The following NAALAD2 variants were observed in gnomAD, a reference collection of about 807,000 sequenced individuals.
NAALAD2 encodes the protein N-acetylated-alpha-linked acidic dipeptidase 2.
A neutral mutation model predicts 95.6 loss-of-function variants in NAALAD2; 89 were observed. The observed-to-expected ratio is 0.93, with a 90% CI of 0.78 to 1.11. The LOEUF (loss-of-function observed/expected upper bound fraction) is 1.11, where lower values mean the gene tolerates loss of function less well. Ranked by LOEUF, NAALAD2 falls within the 50% of genes least tolerant of loss-of-function variation. NAALAD2 has a pLI of 0.00. For missense variants in NAALAD2, 894 were observed against 872.4 expected (o/e 1.02, Z -0.31); for synonymous variants, 264 against 294.4 (o/e 0.90, Z 1.06).
chr11:90,170,303 C>G lies in NAALAD2; in HGVS notation c.1410+167C>G, dbSNP rs552027870. Among the ~76,000 whole-genome samples the G allele has an allele frequency of 5.9e-5, 9 of 152,230 alleles. No homozygotes were observed. The South Asian group carries it at 1.5e-3, about 25-fold the overall frequency. On this transcript the variant is annotated intron_variant, in intron 13 of 18. Transcript: ENST00000534061. Reference sequence around the variant, plus strand: ...TATGCCATTTACCTATATGACATAACTAAGAAGATATTATCACCAGCTTCT... The same window carrying G: ...TATGCCATTTACCTATATGACATAAGTAAGAAGATATTATCACCAGCTTCT...
At chr11:90,166,840 AAAAAAAAAAAAAG>A (rs1181600266) in intron 11 of NAALAD2, among the ~76,000 whole-genome samples, 5 of 124,782 alleles carry the variant, frequency 4.0e-5, no homozygotes, top group Non-Finnish European at 6.7e-5. Context: ...GTCTCCAAAA[AAAAAAAAAAAAAG>A]AAAATGCAGA....
intron 4 of NAALAD2, among the ~76,000 whole-genome samples, chr11:90,149,378 G>A (rs1445246112): frequency 6.6e-6 from 1 of 152,128 alleles, no homozygotes; most frequent in Admixed American, 6.6e-5. Context: ...ACAAACTGCT[G>A]AACATGCCTT....
intron 13 of NAALAD2, among the ~76,000 whole-genome samples, chr11:90,172,043 G>A (rs7105469): frequency 0.22 from 33,417 of 152,086 alleles, 4,483 homozygotes; most frequent in African/African-American, 0.37. Context: ...CTAGGCCAAC[G>A]GGACGTGATT....
At chr11:90,155,690 T>A (rs1347406135) in intron 6 of NAALAD2, among the ~76,000 whole-genome samples, 1 of 85,432 alleles carries the variant, frequency 1.2e-5, no homozygotes, top group Non-Finnish European at 1.9e-5. Context: ...AATACATACA[T>A]ACATATGTAT....
intron 4 of NAALAD2, among the ~76,000 whole-genome samples, chr11:90,149,851 G>C (rs780149510): frequency 6.6e-6 from 1 of 152,162 alleles, no homozygotes; most frequent in African/African-American, 2.4e-5. Context: ...TAATGCAATG[G>C]TTGGAAATTA....
At chr11:90,170,459 T>C (rs900120003) in intron 13 of NAALAD2, among the ~76,000 whole-genome samples, 1 of 152,186 alleles carries the variant, frequency 6.6e-6, no homozygotes, top group Non-Finnish European at 1.5e-5. Context: ...AAAACTGTCT[T>C]AGCTACTCAT....
At chr11:90,180,156 G>C (rs1952918783) in intron 16 of NAALAD2, among the ~76,000 whole-genome samples, 1 of 152,118 alleles carries the variant, frequency 6.6e-6, no homozygotes, top group Non-Finnish European at 1.5e-5. Context: ...CCACTGTGCT[G>C]TCTTATGTCC....
chr11:90,183,266 A>T (rs1857021407), intron 18 of NAALAD2, among the ~76,000 whole-genome samples: 1 of 152,192 alleles, frequency 6.6e-6, no homozygotes. Flanking sequence ...CAAACTGTAG[A>T]ATCTTAAAGG....
At position 90,178,066 on chromosome 11, in the gene NAALAD2, AATCT is replaced by A. The variant is rs758961747; in HGVS notation, c.1813_1816del (p.Ser605ArgfsTer7). 24 of 1,613,530 alleles carry A rather than the reference AATCT, an allele frequency of 1.5e-5. No homozygotes were observed. The highest frequency in any genetic ancestry group is 1.1e-4 in the East Asian group (5 of 44,824). Reference sequence around the variant, plus strand: ...GAAAAACTATGCAGCAAGTATCTATAATCTATCTAAGAAACATGATCAACAATTG... The same window carrying A: ...GAAAAACTATGCAGCAAGTATCTATAATCTAAGAAACATGATCAACAATTG... On this transcript the variant is annotated frameshift_variant, in exon 16 of 19. Coordinates refer to ENST00000534061, the MANE Select transcript of NAALAD2 (RefSeq NM_005467.4). LOFTEE classifies it high-confidence loss of function.
At chr11:90,167,355 C>G (rs1952495383) in intron 11 of NAALAD2, among the ~76,000 whole-genome samples, 2 of 152,226 alleles carry the variant, frequency 1.3e-5, no homozygotes, top group African/African-American at 4.8e-5. Flanking sequence ...TGCTCGATTT[C>G]TCGCTGGGCC....
At chr11:90,141,019 A>G (rs565359487) in intron 2 of NAALAD2, among the ~76,000 whole-genome samples, 1 of 152,162 alleles carries the variant, frequency 6.6e-6, no homozygotes, top group Admixed American at 6.5e-5. Context: ...GGTTGGGCGT[A>G]TTTGTGTGAG....
At chr11:90,179,014 G>A (rs781350108) in intron 16 of NAALAD2, among the ~76,000 whole-genome samples, 17 of 152,230 alleles carry the variant, frequency 1.1e-4, no homozygotes, top group Non-Finnish European at 2.1e-4. Context: ...CCAGTTCTTC[G>A]TTATGTGACC....
intron 6 of NAALAD2, among the ~76,000 whole-genome samples, chr11:90,156,489 C>CT (rs1401102617): frequency 1.3e-5 from 2 of 152,120 alleles, no homozygotes; most frequent in African/African-American, 4.8e-5. Flanking sequence ...AGAAACTTAA[C>CT]TTTTTTTCTA....
intron 6 of NAALAD2, among the ~76,000 whole-genome samples, chr11:90,156,299 C>T (rs529177951): frequency 6.6e-6 from 1 of 152,056 alleles, no homozygotes; most frequent in Non-Finnish European, 1.5e-5. Flanking sequence ...TTGACTCAAG[C>T]AATCTTCCTG....
chr11:90,142,960 C>T (rs1943356), intron 2 of NAALAD2, among the ~76,000 whole-genome samples: 68,258 of 151,266 alleles, frequency 0.45, 16,397 homozygotes, highest in African/African-American at 0.62. Context: ...TCACTTAATA[C>T]AAAATGGAGA....
intron 13 of NAALAD2, among the ~76,000 whole-genome samples, chr11:90,171,225 T>C (rs1027671673): frequency 6.6e-6 from 1 of 152,214 alleles, no homozygotes; most frequent in African/African-American, 2.4e-5. Context: ...GTGGAAATGT[T>C]TGCTTCAAGG....
chr11:90,139,236 G>A (rs1404336834), intron 2 of NAALAD2, among the ~76,000 whole-genome samples: 1 of 151,798 alleles, frequency 6.6e-6, no homozygotes, highest in Admixed American at 6.6e-5. Flanking sequence ...CCTTCTTGTT[G>A]TACAAACAAA....
chr11:90,179,045 C>G (rs554771957), intron 16 of NAALAD2, among the ~76,000 whole-genome samples: 1 of 152,258 alleles, frequency 6.6e-6, no homozygotes, highest in East Asian at 1.9e-4. Context: ...TACTTAACTT[C>G]TCTATGTGTT....
Position 90,163,532 on chromosome 11 carries a change from C to T in NAALAD2, c.1196-3C>T, listed in dbSNP as rs1952355066. ...TAACCACGTGTGTTAACAATTCTTACAGGCTGGAGACCTAGAAGAACTATC... is the reference window on the plus strand; with the variant it reads ...TAACCACGTGTGTTAACAATTCTTATAGGCTGGAGACCTAGAAGAACTATC... On this transcript the variant is annotated splice_region_variant and splice_polypyrimidine_tract_variant and intron_variant, in intron 10 of 18. Coordinates refer to ENST00000534061, the MANE Select transcript of NAALAD2 (RefSeq NM_005467.4). 4 of 1,613,654 alleles carry T rather than the reference C, an allele frequency of 2.5e-6. No homozygotes were observed. Among genetic ancestry groups the T allele is most frequent in the South Asian group, 2.2e-5 (2 of 91,020 alleles).
Sources: allele counts gnomAD v4.1 joint callset (sites outside exome capture counted in the v4.1 genomes callset), GRCh38; gene constraint gnomAD v4.1.1; transcripts MANE v1.5; gene names NCBI Gene and HGNC (gene_info 2026-07-23, HGNC 2026-07-21).